ARID1B: variants seen among roughly 807,000 people sequenced by gnomAD.
The protein encoded by ARID1B is AT-rich interactive domain-containing protein 1B.
ARID1B carries 30 observed loss-of-function variants against 212.3 expected under a neutral mutation model. The observed-to-expected ratio is 0.14, with a 90% confidence interval of 0.11 to 0.19. The LOEUF (loss-of-function observed/expected upper bound fraction) is 0.19, where lower values mean the gene tolerates loss of function less well. ARID1B is among the 10% of genes least tolerant of loss of function. The pLI is 1.00. For missense variants in ARID1B, 2,891 were observed against 3,204.0 expected, an observed-to-expected ratio of 0.90 and a Z score of 2.36; for synonymous variants, 1,402 against 1,301.7, an observed-to-expected ratio of 1.08 and a Z score of -1.66.
intron 6 of ARID1B, among the ~76,000 whole-genome samples, chr6:157,123,209 A>C: frequency 1.4e-5 from 2 of 143,622 alleles, no homozygotes; most frequent in African/African-American, 5.2e-5. Context: ...TCTCTCTCTC[A>C]ATCTTTCTTT....
intron 1 of ARID1B, among the ~76,000 whole-genome samples, chr6:156,818,127 A>G (rs1283655106): frequency 1.4e-5 from 1 of 72,182 alleles, no homozygotes; most frequent in African/African-American, 5.2e-5. Flanking sequence ...TTTTTTTTAG[A>G]ATATAAGATT....
At chr6:156,804,985 A>G (rs1341497495) in intron 1 of ARID1B, among the ~76,000 whole-genome samples, 1 of 152,106 alleles carries the variant, frequency 6.6e-6, no homozygotes, top group African/African-American at 2.4e-5. Flanking sequence ...GCCAGTACTT[A>G]TAAAGTGACA....
intron 2 of ARID1B, among the ~76,000 whole-genome samples, chr6:156,851,060 A>G (rs1266489593): frequency 2.0e-5 from 3 of 152,164 alleles, no homozygotes; most frequent in Admixed American, 6.5e-5. Flanking sequence ...TGGTTATATT[A>G]TTTATTACCG....
intron 4 of ARID1B, among the ~76,000 whole-genome samples, chr6:157,081,817 C>T (rs1362980132): frequency 6.6e-6 from 1 of 152,164 alleles, no homozygotes; most frequent in African/African-American, 2.4e-5. Context: ...GAGAGATTTG[C>T]ATAAAATTAT....
At position 156,976,483 on chromosome 6, in the gene ARID1B, T is replaced by A. The variant is rs370768466; in HGVS notation, c.2247+40907T>A. 28 of 174,726 alleles carry A rather than the reference T, an allele frequency of 1.6e-4. No homozygotes were observed. The East Asian group carries it at 4.2e-3, about 26-fold the overall frequency. The allele number at this position is 174,726 out of a possible 1,614,324, so 10.8% of individuals were successfully genotyped here. A position where few individuals can be genotyped will look rare whatever the true frequency, so the allele number is the denominator to read the frequency against. ...ACCCCGGTGACTCAGGATTTTGAGT[T>A]CTTAACCAGTCGAGTGAAGGATTCA... On this transcript the variant is annotated intron_variant, in intron 4 of 19. Coordinates refer to ENST00000636930, the MANE Select transcript of ARID1B (RefSeq NM_001374828.1).
At chr6:157,097,697 C>T (rs2128488627) in intron 5 of ARID1B, among the ~76,000 whole-genome samples, 1 of 152,276 alleles carries the variant, frequency 6.6e-6, no homozygotes, top group African/African-American at 2.4e-5. Flanking sequence ...CTGTCTCTAT[C>T]CGGCAGCACA....
intron 4 of ARID1B, among the ~76,000 whole-genome samples, chr6:157,062,688 T>C (rs1783415860): frequency 7.1e-6 from 1 of 140,912 alleles, no homozygotes; most frequent in African/African-American, 2.7e-5. Context: ...TGGTATGTTT[T>C]AAAATATATA....
At chr6:156,852,172 G>T (rs910717817) in intron 2 of ARID1B, among the ~76,000 whole-genome samples, 6 of 152,102 alleles carry the variant, frequency 3.9e-5, no homozygotes, top group Non-Finnish European at 8.8e-5. Context: ...TTGAGGCCGG[G>T]CGCAGTGGCT....
chr6:157,070,975 C>T (rs1352106080), intron 4 of ARID1B, among the ~76,000 whole-genome samples: 1 of 152,162 alleles, frequency 6.6e-6, no homozygotes, highest in African/African-American at 2.4e-5. Context: ...TCCTGCCGAG[C>T]CCTGGGGCCC....
intron 2 of ARID1B, among the ~76,000 whole-genome samples, chr6:156,878,849 G>A (rs1450495735): frequency 6.6e-6 from 1 of 152,202 alleles, no homozygotes; most frequent in African/African-American, 2.4e-5. Context: ...GTTGGTAAGA[G>A]AATTGTCATC....
intron 2 of ARID1B, among the ~76,000 whole-genome samples, chr6:156,897,700 G>C (rs564460530): frequency 7.9e-5 from 12 of 152,100 alleles, no homozygotes; most frequent in African/African-American, 2.9e-4. Context: ...CTGTGTTCGA[G>C]GCAAAGCATG....
intron 3 of ARID1B, among the ~76,000 whole-genome samples, chr6:156,907,798 C>CTT (rs1789525236): frequency 6.7e-6 from 1 of 149,312 alleles, no homozygotes; most frequent in African/African-American, 2.5e-5. Context: ...ATCCCAGCTA[C>CTT]TTGGGAGGCT....
chr6:157,004,647 A>G (rs1183299256), intron 4 of ARID1B, among the ~76,000 whole-genome samples: 1 of 152,166 alleles, frequency 6.6e-6, no homozygotes, highest in Non-Finnish European at 1.5e-5. Context: ...AAATTTAGAA[A>G]TGTGTTCGGA....
In ARID1B at chr6:156,905,250, G is replaced by GCACACACACACACACACACA. The variant is rs138326649; in HGVS notation, c.2136+3738_2136+3757dup. Among the ~76,000 whole-genome samples, 1,337 of 143,796 alleles carry GCACACACACACACACACACA rather than the reference G, an allele frequency of 9.3e-3. 8 individuals carry two copies. Among genetic ancestry groups the GCACACACACACACACACACA allele is most frequent in the South Asian group, 0.016 (72 of 4,404 alleles). 94.3% of individuals were successfully genotyped at this position (143,796 alleles called of 152,430 possible). ...GAATCAATTGTGCTCACATATGCAC[G>GCACACACACACACACACACA]CACACACACACACACACACACACAC... is the stretch of plus-strand genomic sequence containing the variant. On this transcript the variant is annotated intron_variant, in intron 3 of 19. Transcript: ENST00000636930.
At chr6:157,032,939 C>T (rs1206986540) in intron 4 of ARID1B, among the ~76,000 whole-genome samples, 2 of 152,146 alleles carry the variant, frequency 1.3e-5, no homozygotes, top group African/African-American at 4.8e-5. Context: ...TTACCTCTGT[C>T]TTTGTAACAG....
chr6:156,914,111 A>AGCCCG, intron 3 of ARID1B, among the ~76,000 whole-genome samples: 1 of 67,302 alleles, frequency 1.5e-5, no homozygotes, highest in Admixed American at 1.8e-4. Flanking sequence ...CTCCCAGCCC[A>AGCCCG]TGGTGCCCCC....
intron 4 of ARID1B, among the ~76,000 whole-genome samples, chr6:157,081,538 C>T (rs1355912714): frequency 1.3e-5 from 2 of 152,168 alleles, no homozygotes; most frequent in African/African-American, 4.8e-5. Context: ...TTCTGTTACA[C>T]TGAGGTCTAG....
intron 3 of ARID1B, among the ~76,000 whole-genome samples, chr6:156,924,692 G>T (rs1429531501): frequency 6.6e-6 from 1 of 152,210 alleles, no homozygotes; most frequent in Non-Finnish European, 1.5e-5. Context: ...GGTAAGGGTG[G>T]TGGGGAGCTA....
At chr6:156,812,985 T>TACATACGTATGTATATATATATATATAC (rs1781679368) in intron 1 of ARID1B, among the ~76,000 whole-genome samples, 1 of 106,388 alleles carries the variant, frequency 9.4e-6, no homozygotes, top group African/African-American at 3.1e-5. Context: ...TGTATGTATA[T>TACATACGTATGTATATATATATATATAC]ACATACGTAT....
Sources: allele counts gnomAD v4.1 joint callset (sites outside exome capture counted in the v4.1 genomes callset), GRCh38; gene constraint gnomAD v4.1.1; transcripts MANE v1.5; gene names NCBI Gene and HGNC (gene_info 2026-07-23, HGNC 2026-07-21).